GAD2: variants seen among roughly 807,000 people sequenced by gnomAD.
The protein encoded by GAD2 is glutamate decarboxylase 2.
In GAD2, 22 loss-of-function variants were observed where a neutral mutation model predicts 80.1. The ratio of observed to expected loss-of-function variants is 0.27; its 90% CI spans 0.20 to 0.39. The LOEUF is 0.39. GAD2 is among the 10% of genes least tolerant of loss of function. The pLI, the probability that GAD2 is intolerant of heterozygous loss-of-function variation, is 1.00. For missense variants in GAD2, 624 were observed against 738.4 expected (o/e 0.85, Z 1.80); for synonymous variants, 274 against 256.9 (o/e 1.07, Z -0.64).
At chr10:26,252,342 T>C (rs1260002860) in intron 8 of GAD2, among the ~76,000 whole-genome samples, 1 of 151,588 alleles carries the variant, frequency 6.6e-6, no homozygotes, top group African/African-American at 2.4e-5. Context: ...GGTACATTTT[T>C]TTTTCTTTTT....
At chr10:26,275,750 G>A (rs567404005) in intron 11 of GAD2, among the ~76,000 whole-genome samples, 12 of 152,292 alleles carry the variant, frequency 7.9e-5, no homozygotes, top group African/African-American at 1.9e-4. Context: ...TCCAAGCTCC[G>A]CAAACCAAAG....
At chr10:26,235,428 T>C (rs943408304) in intron 7 of GAD2, among the ~76,000 whole-genome samples, 2 of 152,196 alleles carry the variant, frequency 1.3e-5, no homozygotes, top group African/African-American at 4.8e-5. Context: ...CCCACTTCTT[T>C]TCTGGCCACC....
chr10:26,266,674 A>T (rs868560878), intron 8 of GAD2, among the ~76,000 whole-genome samples: 1 of 152,214 alleles, frequency 6.6e-6, no homozygotes, highest in Non-Finnish European at 1.5e-5. Flanking sequence ...CTTGGAGTTC[A>T]TGGTTTGACA....
chr10:26,274,815 T>C (rs550401643), intron 11 of GAD2, among the ~76,000 whole-genome samples: 1 of 152,212 alleles, frequency 6.6e-6, no homozygotes, highest in South Asian at 2.1e-4. Context: ...ACCAAATTAA[T>C]GGAAAGAAGG....
rs772622477 is a variant in GAD2, at chr10:26,252,761, C to T, written c.920+6761C>T. On this transcript the variant is annotated intron_variant, in intron 8 of 15. Transcript: ENST00000376261. ...ACAACCTCTGCCTCCAGGGTTCAAGCGATTCACCTGTCTCAGCCTCCCAAG... is the reference window on the plus strand; with the variant it reads ...ACAACCTCTGCCTCCAGGGTTCAAGTGATTCACCTGTCTCAGCCTCCCAAG... 3.3e-5 allele frequency among the ~76,000 whole-genome samples: 5 copies of T among 151,316 alleles called. No individual in the cohort carries two copies. In the East Asian group the frequency reaches 7.8e-4, roughly 24 times the overall value.
chr10:26,216,549 A>C, upstream of GAD2: 1 of 325,354 alleles, frequency 3.1e-6, no homozygotes, highest in Non-Finnish European at 5.5e-6. The surrounding 1 kb of genome is among the most constrained non-coding windows in gnomAD (Gnocchi z 4.7). Context: ...ACCCTTAGGT[A>C]GTCCCGGTCT....
At chr10:26,277,855 T>C (rs1845228553) in intron 11 of GAD2, among the ~76,000 whole-genome samples, 1 of 152,140 alleles carries the variant, frequency 6.6e-6, no homozygotes, top group Non-Finnish European at 1.5e-5. Context: ...GCCTATGGAT[T>C]TGAGGCAGAA....
At chr10:26,218,551 TCACACACACA>T (rs59054319) in intron 3 of GAD2, among the ~76,000 whole-genome samples, 5 of 118,778 alleles carry the variant, frequency 4.2e-5, no homozygotes, top group Admixed American at 8.8e-5. Context: ...TCTCTCTCTC[TCACACACACA>T]CACACACACA....
chr10:26,274,639 C>T (rs1049215448), intron 11 of GAD2, among the ~76,000 whole-genome samples: 9 of 152,124 alleles, frequency 5.9e-5, no homozygotes, highest in Middle Eastern at 3.2e-3. Flanking sequence ...CAAGGAGAGA[C>T]GCTGATGGAG....
At position 26,273,623 on chromosome 10, in the gene GAD2, G is replaced by A. The variant is rs1190306322; in HGVS notation, c.1093-13G>A. 1 of 1,611,724 alleles carries A rather than the reference G, an allele frequency of 6.2e-7. No individual in the cohort carries two copies. The highest frequency in any genetic ancestry group is 8.5e-7 in the Non-Finnish European group (1 of 1,178,076). ...CAAACTGCTACCATTTTCCTCATAT[G>A]ATTTTTTTTCAGGCAGCTTGGGGTG... On this transcript the variant is annotated splice_polypyrimidine_tract_variant and intron_variant, in intron 10 of 15. Coordinates refer to ENST00000376261, the MANE Select transcript of GAD2 (RefSeq NM_001134366.2).
intron 7 of GAD2, among the ~76,000 whole-genome samples, chr10:26,231,130 TG>T (rs1404244787): frequency 6.6e-6 from 1 of 152,118 alleles, no homozygotes; most frequent in East Asian, 1.9e-4. Context: ...TCATGATCTC[TG>T]CCTCACAGTA....
rs1024655661 is a variant in GAD2, at chr10:26,301,185, C to T, written c.*224C>T. ...TCGTGACAAAAGGCTATGTTCTAAT[C>T]AATAAGGAAAAGCTTAAAATTGTTA... is the stretch of plus-strand genomic sequence containing the variant. On this transcript the variant is annotated 3_prime_UTR_variant, in exon 16 of 16. Transcript: ENST00000376261. 2 of 485,786 alleles carry T rather than the reference C, an allele frequency of 4.1e-6. No homozygotes were observed. The highest frequency in any genetic ancestry group is 6.9e-5 in the East Asian group (2 of 28,856). 30.1% of individuals were successfully genotyped at this position (485,786 alleles called of 1,614,324 possible). A position where few individuals can be genotyped will look rare whatever the true frequency, so the allele number is the denominator to read the frequency against.
At chr10:26,273,817 C>T (rs1177660262) in intron 11 of GAD2, 117 bp downstream of exon 11, 14 of 754,820 alleles carry the variant, frequency 1.9e-5, no homozygotes, top group Non-Finnish European at 2.9e-5. Context: ...CTATTCAGTG[C>T]TTGTGTTCCT....
intron 8 of GAD2, among the ~76,000 whole-genome samples, chr10:26,265,752 G>A (rs1473493090): frequency 6.6e-6 from 1 of 152,212 alleles, no homozygotes; most frequent in Non-Finnish European, 1.5e-5. Context: ...CAAAGAGTAT[G>A]GAACAGTCGC....
Position 26,239,246 on chromosome 10 carries a change from G to A in GAD2, c.841-6675G>A, listed in dbSNP as rs149366794. ...GTTAAGAGCTAAGATTTCCCAGCCAGTGTGTCCTTTCTCTTTATTTGAGGT... is the reference window on the plus strand; with the variant it reads ...GTTAAGAGCTAAGATTTCCCAGCCAATGTGTCCTTTCTCTTTATTTGAGGT... On this transcript the variant is annotated intron_variant, in intron 7 of 15. Coordinates refer to ENST00000376261, the MANE Select transcript of GAD2 (RefSeq NM_001134366.2). 3.2e-3 allele frequency among the ~76,000 whole-genome samples: 486 copies of A among 152,240 alleles called. 1 individual carries two copies. Among genetic ancestry groups the A allele is most frequent in the Non-Finnish European group, 5.7e-3 (389 of 68,028 alleles).
chr10:26,275,770 C>T (rs1351454784), intron 11 of GAD2, among the ~76,000 whole-genome samples: 1 of 152,212 alleles, frequency 6.6e-6, no homozygotes, highest in African/African-American at 2.4e-5. Context: ...GTTTAGAACT[C>T]ACCCTAAAAG....
intron 13 of GAD2, among the ~76,000 whole-genome samples, chr10:26,287,280 T>C (rs1845344938): frequency 6.6e-6 from 1 of 152,176 alleles, no homozygotes; most frequent in Admixed American, 6.5e-5. Flanking sequence ...CTGTATATAC[T>C]ATAGAAACTC....
At chr10:26,300,444 G>T (rs990485122) in intron 15 of GAD2, among the ~76,000 whole-genome samples, 1 of 151,998 alleles carries the variant, frequency 6.6e-6, no homozygotes, top group Non-Finnish European at 1.5e-5. Context: ...TACATTTACT[G>T]TGGGGGGAAA....
intron 3 of GAD2, 52 bp downstream of exon 3, chr10:26,218,043 GC>G (rs1336281968): frequency 8.6e-6 from 13 of 1,517,542 alleles, no homozygotes; most frequent in Non-Finnish European, 1.1e-5. Flanking sequence ...TCTCTGCCCC[GC>G]CCACCGCGGC....
Sources: allele counts gnomAD v4.1 joint callset (sites outside exome capture counted in the v4.1 genomes callset), GRCh38; gene constraint gnomAD v4.1.1; non-coding constraint Gnocchi (gnomAD v3.1); transcripts MANE v1.5; gene names NCBI Gene and HGNC (gene_info 2026-07-23, HGNC 2026-07-21).